Variants in TMC1 observed in about 807,000 individuals in gnomAD.
The protein encoded by TMC1 is transmembrane channel-like protein 1.
Under a neutral mutation model 105.8 loss-of-function variants are expected in TMC1, and 84 were observed. That is an observed-to-expected ratio of 0.79 (90% confidence interval 0.67 to 0.95). TMC1 has a LOEUF of 0.95. Ranked by LOEUF, TMC1 falls within the 40% of genes least tolerant of loss-of-function variation. The pLI, the probability that TMC1 is intolerant of heterozygous loss-of-function variation, is 0.00. For synonymous variants in TMC1, 315 were observed against 311.5 expected (o/e 1.01, Z -0.12); for missense variants, 817 against 914.1 (o/e 0.89, Z 1.37).
intron 5 of TMC1, among the ~76,000 whole-genome samples, chr9:72,672,244 G>A (rs754278552): frequency 9.9e-5 from 15 of 152,014 alleles, no homozygotes; most frequent in East Asian, 3.9e-4. Flanking sequence ...GTTCTAAAAC[G>A]AAACATATTA....
At chr9:72,578,079 C>T (rs1406757585) in intron 2 of TMC1, 56 bp downstream of exon 2, 1 of 152,006 alleles carries the variant, frequency 6.6e-6, no homozygotes, top group Non-Finnish European at 1.5e-5. Flanking sequence ...CAGGGTTTCA[C>T]CATGTTGGTC....
At chr9:72,685,258 C>A (rs960577099) in intron 5 of TMC1, among the ~76,000 whole-genome samples, 1 of 151,546 alleles carries the variant, frequency 6.6e-6, no homozygotes, top group African/African-American at 2.4e-5. Context: ...AGGCGCCCAC[C>A]ACCACACCCG....
intron 8 of TMC1, among the ~76,000 whole-genome samples, chr9:72,717,867 C>G (rs1008139193): frequency 6.6e-6 from 1 of 152,148 alleles, no homozygotes; most frequent in African/African-American, 2.4e-5. Context: ...AAGTTTTCCT[C>G]TATTATTCCC....
At chr9:72,565,987 C>G (rs1824145586) in intron 1 of TMC1, among the ~76,000 whole-genome samples, 1 of 152,018 alleles carries the variant, frequency 6.6e-6, no homozygotes, top group Non-Finnish European at 1.5e-5. Flanking sequence ...TATGCATGTG[C>G]ACGTATATAA....
At chr9:72,587,087 C>A (rs879444058) in intron 2 of TMC1, among the ~76,000 whole-genome samples, 5 of 152,086 alleles carry the variant, frequency 3.3e-5, no homozygotes, top group African/African-American at 9.7e-5. Context: ...CAGGACAGCC[C>A]TCCCACAATA....
In TMC1 at chr9:72,766,783, C is replaced by T. The variant is rs571827303; in HGVS notation, c.742-5630C>T. 3.9e-5 allele frequency among the ~76,000 whole-genome samples: 6 copies of T among 152,308 alleles called. No homozygotes were observed. The South Asian group carries it at 1.0e-3, about 26-fold the overall frequency. On this transcript the variant is annotated intron_variant, in intron 12 of 23. Coordinates refer to ENST00000297784, the MANE Select transcript of TMC1 (RefSeq NM_138691.3). ...AGCTCAGCTTCCTCTTTGTACTCCA[C>T]ACTGTCTCTGTTAAGAACCATAGAG...
intron 1 of TMC1, among the ~76,000 whole-genome samples, chr9:72,532,422 T>G (rs1041050762): frequency 3.3e-5 from 5 of 151,448 alleles, no homozygotes; most frequent in Admixed American, 3.3e-4. Context: ...ATGCCTGCAA[T>G]CCCAGCTACT....
chr9:72,715,083 A>G (rs1826895899), intron 8 of TMC1, among the ~76,000 whole-genome samples: 1 of 152,128 alleles, frequency 6.6e-6, no homozygotes, highest in Non-Finnish European at 1.5e-5. Flanking sequence ...AAGAATGTTG[A>G]ATATTGGCAC....
chr9:72,742,387 A>G (rs1212689379), intron 9 of TMC1, 57 bp from the exon 10 acceptor site: 1 of 1,393,006 alleles, frequency 7.2e-7, no homozygotes, highest in African/African-American at 1.4e-5. Flanking sequence ...GTGGGGGATA[A>G]ACATCTTGAC....
Position 72,815,664 on chromosome 9 carries a change from C to T in TMC1, c.1696-479C>T, listed in dbSNP as rs990340900. Among the ~76,000 whole-genome samples, 5 of 152,062 alleles carry T rather than the reference C, an allele frequency of 3.3e-5. 1 individual carries two copies. The South Asian group carries it at 1.0e-3, about 32-fold the overall frequency. On this transcript the variant is annotated intron_variant, in intron 18 of 23. Transcript: ENST00000297784. ...CTTTCAAAATGATTGTAATTCATTG[C>T]AATATATCATAGTATAAATATACTG...
chr9:72,655,265 A>G (rs1047221718), intron 5 of TMC1, among the ~76,000 whole-genome samples: 1 of 152,178 alleles, frequency 6.6e-6, no homozygotes, highest in African/African-American at 2.4e-5. Context: ...CTGAACTGTT[A>G]GTCAATTAAA....
At chr9:72,768,322 G>A (rs1320890775) in intron 12 of TMC1, among the ~76,000 whole-genome samples, 1 of 151,980 alleles carries the variant, frequency 6.6e-6, no homozygotes, top group Non-Finnish European at 1.5e-5. Context: ...GGGGCCTGTT[G>A]GGGGGTTGGG....
intron 9 of TMC1, chr9:72,741,002 C>G (rs2793170): frequency 0.23 from 34,820 of 152,486 alleles, 4,287 homozygotes; most frequent in East Asian, 0.39. Context: ...GGGAGTTATA[C>G]TTCATTTTTA....
intron 5 of TMC1, among the ~76,000 whole-genome samples, chr9:72,670,989 T>C (rs1377231095): frequency 2.6e-5 from 4 of 152,132 alleles, no homozygotes; most frequent in African/African-American, 9.7e-5. Context: ...CCATCCTGGG[T>C]TCACAGCTGA....
At chr9:72,827,131 G>T in intron 21 of TMC1, 137 bp downstream of exon 21, 1 of 1,145,460 alleles carries the variant, frequency 8.7e-7, no homozygotes, top group East Asian at 2.4e-5. Context: ...TGATTACATG[G>T]TGGTGAGAGG....
intron 2 of TMC1, among the ~76,000 whole-genome samples, chr9:72,610,081 G>A (rs1234237090): frequency 6.6e-6 from 1 of 152,114 alleles, no homozygotes; most frequent in Non-Finnish European, 1.5e-5. Context: ...CTACCACATA[G>A]TAGACATTTC....
chr9:72,635,135 C>T (rs1825512538), intron 4 of TMC1, among the ~76,000 whole-genome samples: 1 of 151,980 alleles, frequency 6.6e-6, no homozygotes, highest in African/African-American at 2.4e-5. Flanking sequence ...TGCCTGTAAT[C>T]CTAGCTACTT....
Position 72,745,370 on chromosome 9 carries a change from G to A in TMC1, c.535+2845G>A, listed in dbSNP as rs73647815. Among the ~76,000 whole-genome samples the A allele has an allele frequency of 2.2e-3, 340 of 152,246 alleles. 3 individuals carry two copies. The highest frequency in any genetic ancestry group is 7.9e-3 in the African/African-American group (327 of 41,562). On this transcript the variant is annotated intron_variant, in intron 10 of 23. Transcript: ENST00000297784. ...ATGTGTTAGGCTGCTTTCTCCTTTA[G>A]GGAAGGTTTTACATACTTTTTCTTT...
chr9:72,673,172 C>T (rs980823107), intron 5 of TMC1, among the ~76,000 whole-genome samples: 1 of 152,064 alleles, frequency 6.6e-6, no homozygotes, highest in Non-Finnish European at 1.5e-5. Context: ...AAATTAAACA[C>T]ACATTTCAAA....
Sources: allele counts gnomAD v4.1 joint callset (sites outside exome capture counted in the v4.1 genomes callset), GRCh38; gene constraint gnomAD v4.1.1; transcripts MANE v1.5; gene names NCBI Gene and HGNC (gene_info 2026-07-23, HGNC 2026-07-21).